Variants in CCNT2 observed in about 807,000 individuals in gnomAD.
CCNT2 encodes cyclin T2, also known as cyclin-T2.
CCNT2 carries 18 observed loss-of-function variants against 70.0 expected under a neutral mutation model. That is an observed-to-expected ratio of 0.26 (90% CI 0.18 to 0.38). CCNT2 has a LOEUF of 0.38. Among genes scored for constraint, CCNT2 ranks in the 10% least tolerant of loss-of-function variants. The pLI is 1.00. For missense variants in CCNT2, 734 were observed against 890.2 expected, an observed-to-expected ratio of 0.82 and a Z score of 2.23; for synonymous variants, 334 against 313.3, an observed-to-expected ratio of 1.07 and a Z score of -0.70.
At chr2:134,922,249 G>A (rs1284041584) in intron 2 of CCNT2, among the ~76,000 whole-genome samples, 1 of 152,166 alleles carries the variant, frequency 6.6e-6, no homozygotes, top group Non-Finnish European at 1.5e-5. Context: ...GAAATAACAA[G>A]CTTAAATAAG....
chr2:134,956,380 A>AG lies in CCNT2; in HGVS notation c.*1734dup, dbSNP rs1482886569. On this transcript the variant is annotated 3_prime_UTR_variant, in exon 9 of 9. Transcript: ENST00000264157. ...GAGCCTCTTTGTAGGGACTGTGCCTAGGTAGCATGTCCTAACATTTGTTCT... is the reference window on the plus strand; with the variant it reads ...GAGCCTCTTTGTAGGGACTGTGCCTAGGGTAGCATGTCCTAACATTTGTTCT... The AG allele has an allele frequency of 6.6e-6, 1 of 152,564 alleles. No individual in the cohort carries two copies. The highest frequency in any genetic ancestry group is 2.4e-5 in the African/African-American group (1 of 41,452). 9.5% of individuals were successfully genotyped at this position (152,564 alleles called of 1,614,324 possible).
At chr2:134,941,542 G>A (rs556202851) in intron 4 of CCNT2, among the ~76,000 whole-genome samples, 12 of 152,088 alleles carry the variant, frequency 7.9e-5, no homozygotes, top group Admixed American at 4.6e-4. Context: ...GCCCTGCGTT[G>A]TTCAGAGGTC....
chr2:134,947,352 C>T (rs1682058321), intron 6 of CCNT2, among the ~76,000 whole-genome samples: 1 of 152,118 alleles, frequency 6.6e-6, no homozygotes, highest in Non-Finnish European at 1.5e-5. Flanking sequence ...TAGTTTTTAT[C>T]TTTCCATTTA....
intron 2 of CCNT2, chr2:134,920,113 T>C: frequency 2.5e-6 from 1 of 407,770 alleles, no homozygotes; most frequent in South Asian, 3.5e-5. Context: ...CCTTTTAAGC[T>C]AAAAAAGAAA....
intron 7 of CCNT2, among the ~76,000 whole-genome samples, chr2:134,950,003 C>T (rs1682343402): frequency 6.6e-6 from 1 of 152,124 alleles, no homozygotes; most frequent in Non-Finnish European, 1.5e-5. Context: ...ACCATGTTGG[C>T]CAGGCTGGTC....
intron 2 of CCNT2, among the ~76,000 whole-genome samples, chr2:134,934,596 A>T (rs1681016462): frequency 6.6e-6 from 1 of 152,232 alleles, no homozygotes; most frequent in Admixed American, 6.5e-5. Flanking sequence ...CAAAATATTT[A>T]TCTAAAAAGG....
chr2:134,926,714 G>A lies in CCNT2; in HGVS notation c.240+6823G>A, dbSNP rs45611833. On this transcript the variant is annotated intron_variant, in intron 2 of 8. Transcript: ENST00000264157. The stretch of plus-strand genomic sequence containing the variant: ...TTTGCATCTTGTTGCACTGTGCTGT[G>A]TATGTTGACATAGTAGCCTGTTTTT... Among the ~76,000 whole-genome samples the A allele has an allele frequency of 2.0e-4, 30 of 152,250 alleles. No homozygotes were observed. In the East Asian group the frequency reaches 5.8e-3, roughly 29 times the overall value.
At position 134,953,831 on chromosome 2, in the gene CCNT2, C is replaced by A. The variant is rs1224017300; in HGVS notation, c.1376C>A (p.Ala459Asp). Reference sequence around the variant, plus strand: ...GATGTAAGGGATCATTATATAGCTGCCCAGGTAGAACAGCAGCACAAACAA... The same window carrying A: ...GATGTAAGGGATCATTATATAGCTGACCAGGTAGAACAGCAGCACAAACAA... ...DLDVRDHYIA[A>D]QVEQQHKQGQ... The change falls in exon 9 of 9, where the codon GCC becomes GAC. Residue 459 changes from alanine to aspartate, a missense_variant. Ala to Asp is a moderately radical substitution (Grantham distance 126, BLOSUM62 -2). This residue lies in a region of CCNT2 where 532 missense variants were observed against 556.9 expected (regional missense o/e 0.96). Transcript: ENST00000264157. The A allele has an allele frequency of 6.2e-7, 1 of 1,613,870 alleles. No individual in the cohort carries two copies.
chr2:134,946,596 A>T (rs1031479343), intron 6 of CCNT2: 3 of 189,018 alleles, frequency 1.6e-5, no homozygotes, highest in African/African-American at 2.4e-5. Context: ...GTAATTTGAA[A>T]TTTTTTTTCA....
intron 2 of CCNT2, among the ~76,000 whole-genome samples, chr2:134,926,904 TA>T (rs1171819136): frequency 6.6e-6 from 1 of 152,202 alleles, no homozygotes; most frequent in Non-Finnish European, 1.5e-5. Context: ...GGTAAATCAC[TA>T]AAAGTTTACC....
chr2:134,939,211 A>G (rs1681383299), intron 4 of CCNT2, 149 bp downstream of exon 4: 3 of 570,038 alleles, frequency 5.3e-6, no homozygotes, highest in Non-Finnish European at 9.3e-6. Flanking sequence ...GTTATAAGGA[A>G]ATTACTTTTC....
chr2:134,921,863 T>C (rs1402737582), intron 2 of CCNT2, among the ~76,000 whole-genome samples: 2 of 152,244 alleles, frequency 1.3e-5, no homozygotes, highest in Non-Finnish European at 2.9e-5. Flanking sequence ...TCTTATTGTG[T>C]ATGAAGGTAA....
intron 3 of CCNT2, among the ~76,000 whole-genome samples, chr2:134,937,665 C>T (rs996977187): frequency 5.9e-5 from 9 of 152,276 alleles, no homozygotes; most frequent in African/African-American, 2.2e-4. Flanking sequence ...CCTGTAATCC[C>T]AGCACTTTGG....
intron 4 of CCNT2, among the ~76,000 whole-genome samples, chr2:134,942,264 A>G (rs1681634602): frequency 6.6e-6 from 1 of 151,900 alleles, no homozygotes. Context: ...AAGCTTTGGA[A>G]TATTAAGAAA....
chr2:134,923,707 G>C (rs1680081390), intron 2 of CCNT2, among the ~76,000 whole-genome samples: 1 of 152,158 alleles, frequency 6.6e-6, no homozygotes, highest in African/African-American at 2.4e-5. Flanking sequence ...TATTTGTCTT[G>C]TTTTCTCAGG....
rs1162264628 is a variant in CCNT2, at chr2:134,955,493, T to C, written c.*845T>C. 2 of 152,682 alleles carry C rather than the reference T, an allele frequency of 1.3e-5. No individual in the cohort carries two copies. The highest frequency in any genetic ancestry group is 2.9e-5 in the Non-Finnish European group (2 of 68,048). The allele number at this position is 152,682 out of a possible 1,614,324, so 9.5% of individuals were successfully genotyped here. A position where few individuals can be genotyped will look rare whatever the true frequency, so the allele number is the denominator to read the frequency against. On this transcript the variant is annotated 3_prime_UTR_variant, in exon 9 of 9. Transcript: ENST00000264157. Reference sequence around the variant, plus strand: ...GATGTGAAGTGCATTTAAATGTTTGTTGGCTTGTTGCAGTTCTATGAAACA... The same window carrying C: ...GATGTGAAGTGCATTTAAATGTTTGCTGGCTTGTTGCAGTTCTATGAAACA...
At chr2:134,935,886 C>G (rs1350064836) in intron 2 of CCNT2, among the ~76,000 whole-genome samples, 12 of 151,606 alleles carry the variant, frequency 7.9e-5, no homozygotes, top group Admixed American at 7.9e-4. Flanking sequence ...ATGCTTATAC[C>G]CTGGTGGTGT....
At chr2:134,929,917 C>T (rs1680611796) in intron 2 of CCNT2, among the ~76,000 whole-genome samples, 1 of 151,534 alleles carries the variant, frequency 6.6e-6, no homozygotes. Context: ...TCCCAAAGTG[C>T]TGGGATTACA....
At chr2:134,947,430 T>A (rs1559109647) in intron 6 of CCNT2, among the ~76,000 whole-genome samples, 1 of 152,214 alleles carries the variant, frequency 6.6e-6, no homozygotes, top group African/African-American at 2.4e-5. Flanking sequence ...ATATAGTGAT[T>A]ATTGCAAATA....
Sources: gnomAD v4.1 joint callset for allele counts (sites outside exome capture counted in the v4.1 genomes callset) on GRCh38, gnomAD v4.1.1 for gene constraint, gnomAD v4.1.1 regional missense constraint, MANE v1.5 for transcripts, NCBI Gene and HGNC (gene_info 2026-07-23, HGNC 2026-07-21) for gene names.